The following GRHL2 variants were observed in gnomAD, a reference collection of about 807,000 sequenced individuals.
GRHL2 encodes the protein grainyhead-like protein 2 homolog.
Under a neutral mutation model 83.8 loss-of-function variants are expected in GRHL2, and 21 were observed. That is an observed-to-expected ratio of 0.25 (90% CI 0.18 to 0.36). The LOEUF (loss-of-function observed/expected upper bound fraction) is 0.36. Among genes scored for constraint, GRHL2 ranks in the 10% least tolerant of loss-of-function variants. The pLI is 1.00. For synonymous variants in GRHL2, 280 were observed against 278.9 expected (o/e 1.00, Z -0.04); for missense variants, 623 against 781.8 (o/e 0.80, Z 2.42).
chr8:101,583,534 T>A (rs1218165079), intron 7 of GRHL2, among the ~76,000 whole-genome samples: 1 of 152,196 alleles, frequency 6.6e-6, no homozygotes, highest in Non-Finnish European at 1.5e-5. Flanking sequence ...GGCCAGGTAC[T>A]GAGTTCAGCC....
At position 101,668,027 on chromosome 8, in the gene GRHL2, G is replaced by A. The variant is rs1216427116; in HGVS notation, c.*1324G>A. ...TGGATGCTGCGTTTTAAGGAAGTGA[G>A]TGAGAAAGAATGTGCCAAGATACCT... On this transcript the variant is annotated 3_prime_UTR_variant, in exon 16 of 16. Transcript: ENST00000646743. 1.3e-5 allele frequency: 2 copies of A among 152,510 alleles called. No individual in the cohort carries two copies. The highest frequency in any genetic ancestry group is 1.9e-4 in the East Asian group (1 of 5,192). 9.4% of individuals were successfully genotyped at this position (152,510 alleles called of 1,614,324 possible). A position where few individuals can be genotyped will look rare whatever the true frequency, so the allele number is the denominator to read the frequency against.
At chr8:101,583,983 G>A (rs139608626) in intron 7 of GRHL2, among the ~76,000 whole-genome samples, 3 of 152,136 alleles carry the variant, frequency 2.0e-5, no homozygotes, top group Non-Finnish European at 4.4e-5. Context: ...CTTTCAGAAC[G>A]GGCAGTACAG....
At chr8:101,537,464 G>C (rs887336008) in intron 1 of GRHL2, among the ~76,000 whole-genome samples, 3 of 152,128 alleles carry the variant, frequency 2.0e-5, no homozygotes, top group Non-Finnish European at 4.4e-5. Context: ...AAATGGCCAA[G>C]AAAATTCAAG....
chr8:101,662,872 T>C (rs888727812), intron 14 of GRHL2, among the ~76,000 whole-genome samples: 1 of 151,378 alleles, frequency 6.6e-6, no homozygotes. Flanking sequence ...TATATATACA[T>C]ATATATATTT....
At chr8:101,506,198 A>T (rs897934847) in intron 1 of GRHL2, among the ~76,000 whole-genome samples, 1 of 152,202 alleles carries the variant, frequency 6.6e-6, no homozygotes, top group East Asian at 1.9e-4. Flanking sequence ...TTTTATTGCA[A>T]CTGTTTTATG....
chr8:101,513,736 T>C (rs1390319016), intron 1 of GRHL2, among the ~76,000 whole-genome samples: 2 of 152,038 alleles, frequency 1.3e-5, no homozygotes, highest in Admixed American at 6.6e-5. Context: ...CCTCAGGTGA[T>C]CTTCCCACCT....
At chr8:101,594,685 G>C (rs1812355970) in intron 7 of GRHL2, among the ~76,000 whole-genome samples, 1 of 152,198 alleles carries the variant, frequency 6.6e-6, no homozygotes, top group Admixed American at 6.5e-5. Context: ...GACATTTCTT[G>C]TATGGTATAA....
chr8:101,625,455 G>A (rs889402430), intron 9 of GRHL2, among the ~76,000 whole-genome samples: 1 of 152,082 alleles, frequency 6.6e-6, no homozygotes, highest in Non-Finnish European at 1.5e-5. Flanking sequence ...AGAGGGCAGA[G>A]ACAATTATTG....
intron 9 of GRHL2, among the ~76,000 whole-genome samples, chr8:101,622,908 C>G (rs1478809365): frequency 3.3e-5 from 5 of 152,206 alleles, no homozygotes; most frequent in Admixed American, 3.3e-4. Flanking sequence ...CATAGCTTAC[C>G]TCCCACATAT....
At chr8:101,513,197 A>C (rs971495320) in intron 1 of GRHL2, among the ~76,000 whole-genome samples, 1 of 152,082 alleles carries the variant, frequency 6.6e-6, no homozygotes, top group African/African-American at 2.4e-5. Context: ...TAATAGGTTC[A>C]GTTCATCAAT....
At chr8:101,525,379 T>C (rs1299407377) in intron 1 of GRHL2, among the ~76,000 whole-genome samples, 1 of 152,216 alleles carries the variant, frequency 6.6e-6, no homozygotes, top group Non-Finnish European at 1.5e-5. Flanking sequence ...GTTATATCTA[T>C]TGATATATAT....
intron 8 of GRHL2, among the ~76,000 whole-genome samples, chr8:101,617,833 T>A (rs888127768): frequency 3.3e-5 from 5 of 152,166 alleles, no homozygotes; most frequent in Non-Finnish European, 7.4e-5. Flanking sequence ...AGTCCGTTTC[T>A]CATGGTTTTG....
At chr8:101,543,173 G>A (rs1811190144) in intron 1 of GRHL2, 68 bp from the exon 2 acceptor site, 5 of 1,087,906 alleles carry the variant, frequency 4.6e-6, no homozygotes, top group Non-Finnish European at 7.1e-6. Flanking sequence ...CATGTAATAT[G>A]TATATTATTA....
chr8:101,549,995 G>T (rs1402008999), intron 2 of GRHL2, among the ~76,000 whole-genome samples: 1 of 151,920 alleles, frequency 6.6e-6, no homozygotes, highest in African/African-American at 2.4e-5. Context: ...TAAACTCAGG[G>T]TATAGTGGCA....
At chr8:101,515,782 G>A (rs898946569) in intron 1 of GRHL2, among the ~76,000 whole-genome samples, 3 of 152,150 alleles carry the variant, frequency 2.0e-5, no homozygotes, top group Non-Finnish European at 2.9e-5. Flanking sequence ...TTTGCCAGCT[G>A]ACTGGTGTTG....
At chr8:101,519,840 A>T (rs1221669019) in intron 1 of GRHL2, among the ~76,000 whole-genome samples, 1 of 152,226 alleles carries the variant, frequency 6.6e-6, no homozygotes, top group Admixed American at 6.5e-5. Flanking sequence ...TAATCAATTT[A>T]AAAATGAGAA....
chr8:101,616,794 C>A (rs1440403396), intron 8 of GRHL2, among the ~76,000 whole-genome samples: 1 of 152,104 alleles, frequency 6.6e-6, no homozygotes, highest in Non-Finnish European at 1.5e-5. Context: ...TCTTTTCTAT[C>A]CCCTATATCT....
chr8:101,558,894 A>T, intron 4 of GRHL2, 82 bp downstream of exon 4: 1 of 1,444,416 alleles, frequency 6.9e-7, no homozygotes, highest in Non-Finnish European at 9.5e-7. Flanking sequence ...TCAAAGTGTG[A>T]TAAATGAATT....
intron 4 of GRHL2, among the ~76,000 whole-genome samples, chr8:101,560,745 G>C (rs182331427): frequency 3.3e-5 from 5 of 152,262 alleles, no homozygotes; most frequent in Admixed American, 1.3e-4. Flanking sequence ...ATTTCTTTAT[G>C]TGTAGTGAGG....
Sources: gnomAD v4.1 joint callset for allele counts (sites outside exome capture counted in the v4.1 genomes callset) on GRCh38, gnomAD v4.1.1 for gene constraint, MANE v1.5 for transcripts, NCBI Gene and HGNC (gene_info 2026-07-23, HGNC 2026-07-21) for gene names.